Variants in NBEA observed in about 807,000 individuals in gnomAD.
NBEA encodes neurobeachin, also known as lysosomal-trafficking regulator 2.
A neutral mutation model predicts 343.4 loss-of-function variants in NBEA; 44 were observed. That is an observed-to-expected ratio of 0.13 (90% CI 0.10 to 0.16). The LOEUF (loss-of-function observed/expected upper bound fraction) is 0.16. Among genes scored for constraint, NBEA ranks in the 10% least tolerant of loss-of-function variants. The pLI is 1.00. For missense variants in NBEA, 2,555 were observed against 3,631.3 expected (o/e 0.70, Z 7.62); for synonymous variants, 1,175 against 1,238.7 (o/e 0.95, Z 1.08).
At chr13:35,655,842 G>A (rs943321562) in intron 55 of NBEA, 93 bp downstream of exon 55, 3 of 1,235,716 alleles carry the variant, frequency 2.4e-6, no homozygotes, top group Non-Finnish European at 3.3e-6. Context: ...TTCCTGAGGT[G>A]TAAGGATTTT....
At chr13:35,183,267 G>A (rs560307173) in intron 29 of NBEA, among the ~76,000 whole-genome samples, 2 of 152,048 alleles carry the variant, frequency 1.3e-5, no homozygotes, top group African/African-American at 4.8e-5. Flanking sequence ...TATCAAGGTT[G>A]TTTCTCTATT....
chr13:35,626,529 A>G (rs183846877), intron 48 of NBEA, among the ~76,000 whole-genome samples: 26 of 152,286 alleles, frequency 1.7e-4, no homozygotes, highest in Admixed American at 1.0e-3. Flanking sequence ...CCTTTAAATT[A>G]TTTATCTGAT....
At chr13:35,494,770 G>C (rs1437412125) in intron 41 of NBEA, among the ~76,000 whole-genome samples, 1 of 151,986 alleles carries the variant, frequency 6.6e-6, no homozygotes. Flanking sequence ...AGCTCTTTGA[G>C]AGGCTGGGAT....
intron 44 of NBEA, among the ~76,000 whole-genome samples, chr13:35,566,237 T>C (rs1194200133): frequency 6.6e-6 from 1 of 152,090 alleles, no homozygotes; most frequent in Non-Finnish European, 1.5e-5. Flanking sequence ...GGCGCGTGCC[T>C]GTAATCCCAG....
At chr13:35,012,728 T>A (rs925994087) in intron 1 of NBEA, among the ~76,000 whole-genome samples, 32 of 152,264 alleles carry the variant, frequency 2.1e-4, no homozygotes, top group Non-Finnish European at 4.4e-4. Context: ...AATGGTTATA[T>A]AGTCTTGTGC....
intron 17 of NBEA, among the ~76,000 whole-genome samples, chr13:35,128,950 A>G (rs2067270403): frequency 1.3e-5 from 2 of 152,012 alleles, no homozygotes; most frequent in South Asian, 4.2e-4. Context: ...GAAAAGATAA[A>G]GCCTTAGAAA....
intron 36 of NBEA, among the ~76,000 whole-genome samples, chr13:35,342,567 G>T (rs1057242870): frequency 6.6e-6 from 1 of 151,908 alleles, no homozygotes; most frequent in South Asian, 2.1e-4. Context: ...GTACATCTAC[G>T]TAGAAATTGT....
intron 55 of NBEA, among the ~76,000 whole-genome samples, chr13:35,656,748 T>C (rs574531047): frequency 1.3e-5 from 2 of 152,316 alleles, no homozygotes; most frequent in South Asian, 2.1e-4. Context: ...TGTGAAGTGA[T>C]AATGGCAAGT....
intron 34 of NBEA, among the ~76,000 whole-genome samples, chr13:35,246,741 A>G (rs762480356): frequency 1.3e-5 from 2 of 152,132 alleles, no homozygotes; most frequent in Non-Finnish European, 2.9e-5. Context: ...TGTTTAATGC[A>G]CTAGTTTTGT....
intron 10 of NBEA, among the ~76,000 whole-genome samples, chr13:35,097,365 A>C (rs1347617380): frequency 6.6e-6 from 1 of 151,922 alleles, no homozygotes; most frequent in Non-Finnish European, 1.5e-5. Context: ...CTTTCTTATG[A>C]ATATAAATAG....
intron 1 of NBEA, among the ~76,000 whole-genome samples, chr13:34,996,696 A>G (rs1398462294): frequency 2.0e-5 from 3 of 152,104 alleles, no homozygotes; most frequent in Non-Finnish European, 4.4e-5. Context: ...AACATGGGAA[A>G]ATCATATTTC....
chr13:35,239,062 CAAT>C (rs2075366162), intron 34 of NBEA, among the ~76,000 whole-genome samples: 1 of 151,714 alleles, frequency 6.6e-6, no homozygotes, highest in Non-Finnish European at 1.5e-5. Context: ...TTTTAAATTA[CAAT>C]AATACAAAAA....
At chr13:35,000,623 G>A in intron 1 of NBEA, among the ~76,000 whole-genome samples, 1 of 147,554 alleles carries the variant, frequency 6.8e-6, no homozygotes, top group Non-Finnish European at 1.5e-5. Flanking sequence ...CGTTTTAAAA[G>A]CATACACAAA....
At chr13:35,558,529 A>G (rs1288367631) in intron 44 of NBEA, among the ~76,000 whole-genome samples, 1 of 152,158 alleles carries the variant, frequency 6.6e-6, no homozygotes, top group Non-Finnish European at 1.5e-5. Context: ...AAGAGAGTAA[A>G]TGACACTTTG....
At chr13:35,386,686 G>C (rs1175647034) in intron 38 of NBEA, among the ~76,000 whole-genome samples, 1 of 152,080 alleles carries the variant, frequency 6.6e-6, no homozygotes, top group African/African-American at 2.4e-5. Flanking sequence ...TTAACAATTA[G>C]TTTGTAACCA....
chr13:35,199,522 A>G lies in NBEA; in HGVS notation c.5366+3220A>G, dbSNP rs544003290. ...CTCCTAATAATATTGTACAGTCTCA[A>G]TAGAATTCATGTAGGATTTTACTTT... On this transcript the variant is annotated intron_variant, in intron 31 of 58. Coordinates refer to ENST00000379939, the MANE Select transcript of NBEA (RefSeq NM_001385012.1). 1.1e-4 allele frequency among the ~76,000 whole-genome samples: 16 copies of G among 152,292 alleles called. No homozygotes were observed. In the South Asian group the frequency reaches 2.5e-3, roughly 24 times the overall value.
chr13:35,562,231 T>C (rs1045680935), intron 44 of NBEA, among the ~76,000 whole-genome samples: 1 of 152,140 alleles, frequency 6.6e-6, no homozygotes. Context: ...ACATTAAATT[T>C]TAGATGATTG....
intron 1 of NBEA, among the ~76,000 whole-genome samples, chr13:35,030,803 C>T (rs2062183015): frequency 6.6e-6 from 1 of 151,630 alleles, no homozygotes. Context: ...AATATTTTTA[C>T]TGCTTCCGGC....
At chr13:35,180,548 A>G (rs2071243169) in intron 28 of NBEA, among the ~76,000 whole-genome samples, 1 of 151,148 alleles carries the variant, frequency 6.6e-6, no homozygotes, top group South Asian at 2.1e-4. Context: ...ACCTTTTACC[A>G]TTTGCTGTTC....
Sources: gnomAD v4.1 joint callset for allele counts (sites outside exome capture counted in the v4.1 genomes callset) on GRCh38, gnomAD v4.1.1 for gene constraint, MANE v1.5 for transcripts, NCBI Gene and HGNC (gene_info 2026-07-23, HGNC 2026-07-21) for gene names.